Variants in CELF5 observed in about 807,000 individuals in gnomAD.
CELF5 encodes CUGBP Elav-like family member 5.
Under a neutral mutation model 54.9 loss-of-function variants are expected in CELF5, and 6 were observed. The observed-to-expected ratio is 0.11, with a 90% CI of 0.06 to 0.22. CELF5 has a LOEUF of 0.22. CELF5 is among the 10% of genes least tolerant of loss of function. The pLI is 1.00. For synonymous variants in CELF5, 271 were observed against 290.9 expected (o/e 0.93, Z 0.70); for missense variants, 401 against 678.6 (o/e 0.59, Z 4.54).
chr19:3,273,109 G>A lies in CELF5; in HGVS notation c.343-763G>A, dbSNP rs1431361882. On this transcript the variant is annotated intron_variant, in intron 2 of 12. Coordinates refer to ENST00000292672, the MANE Select transcript of CELF5 (RefSeq NM_021938.4). ...ACTCCACCCAAAGCTCCTGGGAGAT[G>A]TGGCTAAATGTAGCTACTTTGGTGT... is the stretch of plus-strand genomic sequence containing the variant. Among the ~76,000 whole-genome samples, 4 of 152,162 alleles carry A rather than the reference G, an allele frequency of 2.6e-5. No homozygotes were observed. In the East Asian group the frequency reaches 7.7e-4, roughly 29 times the overall value.
chr19:3,266,260 G>A (rs1308144898), intron 2 of CELF5, among the ~76,000 whole-genome samples: 8 of 152,104 alleles, frequency 5.3e-5, no homozygotes, highest in Admixed American at 1.3e-4. Context: ...GCACCCCGGT[G>A]GGCATGTCTC....
intron 10 of CELF5, among the ~76,000 whole-genome samples, chr19:3,287,835 G>A (rs2080279687): frequency 6.7e-6 from 1 of 149,266 alleles, no homozygotes; most frequent in African/African-American, 2.5e-5. Flanking sequence ...TAGTAGAAAT[G>A]GTAGCACTGT....
chr19:3,244,862 G>C (rs1445095797), intron 1 of CELF5, among the ~76,000 whole-genome samples: 1 of 149,344 alleles, frequency 6.7e-6, no homozygotes, highest in Non-Finnish European at 1.5e-5. Flanking sequence ...TGTGTGTGTA[G>C]TGTGTGGTGT....
Position 3,285,942 on chromosome 19 carries a change from C to A in CELF5, c.1103C>A (p.Ala368Asp), listed in dbSNP as rs769803579. ...PAFSGVQQYT[A>D]MYPTAAITPI... ...CTGTGTCTCGCTCCGGTCTCCGCAG[C>A]CATGTACCCCACCGCGGCCATCACG... Residue 368 changes from alanine to aspartate, a missense_variant and splice_region_variant, in exon 10 of 13, where the codon GCC becomes GAC. Physicochemically the swap from Ala to Asp is moderately radical, Grantham distance 126 (BLOSUM62 -2). This residue lies in a region of CELF5 where 143 missense variants were observed against 147.6 expected (regional missense o/e 0.97). Transcript: ENST00000292672. The A allele has an allele frequency of 1.3e-6, 2 of 1,583,292 alleles. No individual in the cohort carries two copies. The highest frequency in any genetic ancestry group is 1.7e-6 in the Non-Finnish European group (2 of 1,170,938).
At chr19:3,280,066 C>A (rs1408097036) in intron 5 of CELF5, among the ~76,000 whole-genome samples, 1 of 152,216 alleles carries the variant, frequency 6.6e-6, no homozygotes, top group African/African-American at 2.4e-5. Context: ...CAGACAGACA[C>A]TCCCTGGCTC....
intron 2 of CELF5, among the ~76,000 whole-genome samples, chr19:3,272,099 G>C (rs1275996472): frequency 6.6e-6 from 1 of 152,182 alleles, no homozygotes; most frequent in Non-Finnish European, 1.5e-5. Flanking sequence ...CGGGTGCAGG[G>C]GCTCACGCCT....
chr19:3,276,692 T>TGGGGCCCTGAAGAGGGGCGGGGCTGCGGG (rs2080059931), intron 4 of CELF5, among the ~76,000 whole-genome samples: 1 of 103,790 alleles, frequency 9.6e-6, no homozygotes, highest in Non-Finnish European at 2.1e-5. Flanking sequence ...GGGGCTGCGG[T>TGGGGCCCTGAAGAGGGGCGGGGCTGCGGG]GGGGTGGGCG....
At chr19:3,234,347 C>A (rs1379404788) in intron 1 of CELF5, among the ~76,000 whole-genome samples, 2 of 152,146 alleles carry the variant, frequency 1.3e-5, no homozygotes, top group African/African-American at 4.8e-5. Context: ...AATCTTCCCG[C>A]CTTGGCCTCC....
intron 10 of CELF5, among the ~76,000 whole-genome samples, chr19:3,289,681 C>CAAAAAA (rs35144942): frequency 0.03 from 1,395 of 47,138 alleles, 288 homozygotes; most frequent in Middle Eastern, 0.077. Flanking sequence ...GACTCCATCT[C>CAAAAAA]AAAAAAAAAA....
At chr19:3,265,750 G>A (rs1168363955) in intron 2 of CELF5, among the ~76,000 whole-genome samples, 1 of 152,148 alleles carries the variant, frequency 6.6e-6, no homozygotes, top group Admixed American at 6.5e-5. Context: ...AAGCAGCCCA[G>A]GCGGCTGCTC....
Position 3,278,827 on chromosome 19 carries a change from G to A in CELF5, c.603+717G>A, listed in dbSNP as rs1417101997. On this transcript the variant is annotated intron_variant, in intron 5 of 12. Coordinates refer to ENST00000292672, the MANE Select transcript of CELF5 (RefSeq NM_021938.4). This position sits in a 1 kb window ranked among gnomAD's most constrained non-coding sequence, Gnocchi z 4.5. ...AGTGTGTATGTGTGTACATGTAAGG[G>A]TATCCTAAGGGGATGACACCTGGGT... Among the ~76,000 whole-genome samples the A allele has an allele frequency of 1.3e-5, 2 of 152,016 alleles. No individual in the cohort carries two copies. Among genetic ancestry groups the A allele is most frequent in the African/African-American group, 4.8e-5 (2 of 41,334 alleles).
At chr19:3,235,217 C>T (rs142235350) in intron 1 of CELF5, among the ~76,000 whole-genome samples, 37 of 152,284 alleles carry the variant, frequency 2.4e-4, no homozygotes, top group African/African-American at 8.2e-4. Flanking sequence ...CTTCCTTTCT[C>T]TTCTGTAAGC....
intron 1 of CELF5, among the ~76,000 whole-genome samples, chr19:3,241,899 C>G (rs1056556273): frequency 6.6e-6 from 1 of 152,112 alleles, no homozygotes; most frequent in African/African-American, 2.4e-5. Flanking sequence ...CTCAACCTCC[C>G]GTGTAGCTGG....
chr19:3,250,148 G>A (rs905131856), intron 1 of CELF5, among the ~76,000 whole-genome samples: 9 of 152,138 alleles, frequency 5.9e-5, no homozygotes, highest in African/African-American at 2.2e-4. Flanking sequence ...TTTTGAGATT[G>A]TAATAAGATA....
chr19:3,227,113 G>A (rs915004485), intron 1 of CELF5, among the ~76,000 whole-genome samples: 3 of 152,142 alleles, frequency 2.0e-5, no homozygotes, highest in African/African-American at 7.2e-5. Context: ...TCGAAAATGG[G>A]TCCAGTACCC....
intron 1 of CELF5, among the ~76,000 whole-genome samples, chr19:3,234,246 G>A (rs576857325): frequency 2.0e-5 from 3 of 151,904 alleles, no homozygotes; most frequent in Admixed American, 2.0e-4. Flanking sequence ...GATGTGGTTC[G>A]TTCTCTCTCT....
chr19:3,279,759 A>G (rs566570083), intron 5 of CELF5, among the ~76,000 whole-genome samples: 2 of 152,076 alleles, frequency 1.3e-5, no homozygotes, highest in Admixed American at 6.5e-5. Flanking sequence ...TTGGAGTGCA[A>G]TGGGGCAATC....
chr19:3,270,026 G>A (rs1599448825), intron 2 of CELF5, among the ~76,000 whole-genome samples: 1 of 152,116 alleles, frequency 6.6e-6, no homozygotes, highest in Non-Finnish European at 1.5e-5. Context: ...GTTTCCAATC[G>A]TTCCAAACTC....
chr19:3,260,784 G>A lies in CELF5; in HGVS notation c.342+9717G>A, dbSNP rs376943057. Among the ~76,000 whole-genome samples the A allele has an allele frequency of 4.8e-4, 73 of 151,956 alleles. 1 individual carries two copies. In the East Asian group the frequency reaches 9.9e-3, roughly 21 times the overall value. On this transcript the variant is annotated intron_variant, in intron 2 of 12. Transcript: ENST00000292672. ...ACTACAGGCGCCCGCCACCATGACC[G>A]GCTAATTTTTTGTATTTTTAGTACA...
Sources: allele counts gnomAD v4.1 joint callset (sites outside exome capture counted in the v4.1 genomes callset), GRCh38; gene constraint gnomAD v4.1.1; regional missense constraint gnomAD v4.1.1; non-coding constraint Gnocchi (gnomAD v3.1); transcripts MANE v1.5; gene names NCBI Gene and HGNC (gene_info 2026-07-23, HGNC 2026-07-21).